The following KIAA1549L variants were observed in gnomAD, a reference collection of about 807,000 sequenced individuals.
KIAA1549L encodes UPF0606 protein KIAA1549L.
KIAA1549L carries 88 observed loss-of-function variants against 160.7 expected under a neutral mutation model. That is an observed-to-expected ratio of 0.55 (90% CI 0.46 to 0.65). KIAA1549L has a LOEUF of 0.65. KIAA1549L is among the 30% of genes least tolerant of loss of function. The pLI, the probability that KIAA1549L is intolerant of heterozygous loss-of-function variation, is 0.00. For missense variants in KIAA1549L, 2,258 were observed against 2,437.5 expected (o/e 0.93, Z 1.55); for synonymous variants, 950 against 976.7 (o/e 0.97, Z 0.51).
intron 4 of KIAA1549L, 54 bp from the exon 5 acceptor site, chr11:33,550,985 AC>A (rs1664646667): frequency 7.0e-7 from 1 of 1,437,346 alleles, no homozygotes; most frequent in Non-Finnish European, 9.8e-7. Context: ...ACCAGGAAGA[AC>A]TTAAAGTGCT....
intron 8 of KIAA1549L, among the ~76,000 whole-genome samples, chr11:33,565,878 G>A (rs911839517): frequency 2.0e-5 from 3 of 151,990 alleles, no homozygotes; most frequent in Non-Finnish European, 4.4e-5. Flanking sequence ...AGCCAGTGTG[G>A]TGGCTCATGC....
At chr11:33,568,467 G>A (rs948658330) in intron 9 of KIAA1549L, among the ~76,000 whole-genome samples, 1 of 152,160 alleles carries the variant, frequency 6.6e-6, no homozygotes, top group Admixed American at 6.5e-5. Flanking sequence ...TATAACACAA[G>A]GAAGTCTCGG....
At chr11:33,468,719 T>C (rs775660077) in intron 1 of KIAA1549L, among the ~76,000 whole-genome samples, 1 of 152,208 alleles carries the variant, frequency 6.6e-6, no homozygotes, top group African/African-American at 2.4e-5. Flanking sequence ...GCTTTGAAAA[T>C]ACATATCATA....
chr11:33,611,586 T>C (rs368482909), intron 15 of KIAA1549L, among the ~76,000 whole-genome samples: 55 of 152,234 alleles, frequency 3.6e-4, no homozygotes, highest in African/African-American at 1.2e-3. Flanking sequence ...TTAATACCTG[T>C]AGAAAAAAAA....
intron 1 of KIAA1549L, among the ~76,000 whole-genome samples, chr11:33,459,067 C>T (rs1232432105): frequency 6.6e-6 from 1 of 152,152 alleles, no homozygotes. Flanking sequence ...CCATTGCCAG[C>T]TGCTATGAGA....
chr11:33,550,049 A>G (rs1188251928), intron 4 of KIAA1549L, among the ~76,000 whole-genome samples: 1 of 151,922 alleles, frequency 6.6e-6, no homozygotes, highest in African/African-American at 2.4e-5. Context: ...AAACAAAAAA[A>G]AAAAACACAA....
intron 1 of KIAA1549L, among the ~76,000 whole-genome samples, chr11:33,432,922 CA>C (rs35109288): frequency 6.6e-6 from 1 of 152,180 alleles, no homozygotes; most frequent in Non-Finnish European, 1.5e-5. Flanking sequence ...ATACCTTATG[CA>C]AAAATTAACT....
At chr11:33,584,578 G>A (rs1489197459) in intron 11 of KIAA1549L, among the ~76,000 whole-genome samples, 1 of 152,234 alleles carries the variant, frequency 6.6e-6, no homozygotes, top group African/African-American at 2.4e-5. Flanking sequence ...CATACCTGAT[G>A]CTTAAATAAT....
intron 12 of KIAA1549L, among the ~76,000 whole-genome samples, chr11:33,598,610 A>G (rs1850271566): frequency 6.6e-6 from 1 of 152,192 alleles, no homozygotes; most frequent in South Asian, 2.1e-4. Context: ...TGGGCTGAGC[A>G]CGGCAAAACG....
intron 17 of KIAA1549L, among the ~76,000 whole-genome samples, chr11:33,647,747 G>A (rs1851765643): frequency 6.6e-6 from 1 of 151,610 alleles, no homozygotes; most frequent in African/African-American, 2.4e-5. Flanking sequence ...GTAAGAAGAT[G>A]CGATGGCCCA....
At chr11:33,606,860 C>T (rs1288230090) in intron 14 of KIAA1549L, 38 bp downstream of exon 14, 1 of 1,535,662 alleles carries the variant, frequency 6.5e-7, no homozygotes, top group African/African-American at 1.4e-5. Flanking sequence ...GATGGTCCGG[C>T]CAGACTTGGG....
intron 16 of KIAA1549L, among the ~76,000 whole-genome samples, chr11:33,628,858 T>C (rs146807141): frequency 0.022 from 3,402 of 152,076 alleles, 132 homozygotes; most frequent in African/African-American, 0.072. Context: ...TGCTTGTTAG[T>C]TCATGCAGTT....
At chr11:33,610,213 A>G (rs1455179333) in intron 15 of KIAA1549L, among the ~76,000 whole-genome samples, 1 of 152,114 alleles carries the variant, frequency 6.6e-6, no homozygotes, top group Non-Finnish European at 1.5e-5. Context: ...GCTTAATGGT[A>G]TTTTCAAACC....
At chr11:33,638,469 C>T (rs55668623) in intron 16 of KIAA1549L, among the ~76,000 whole-genome samples, 1 of 149,992 alleles carries the variant, frequency 6.7e-6, no homozygotes, top group East Asian at 2.0e-4. Context: ...AAATACTCAT[C>T]TATGAGTATT....
intron 1 of KIAA1549L, among the ~76,000 whole-genome samples, chr11:33,446,439 C>A (rs868464445): frequency 6.6e-6 from 1 of 151,784 alleles, no homozygotes; most frequent in African/African-American, 2.4e-5. Context: ...CTTTAAAGAA[C>A]TCTGTGGTTG....
At chr11:33,501,721 T>C (rs1191048768) in intron 1 of KIAA1549L, among the ~76,000 whole-genome samples, 2 of 151,788 alleles carry the variant, frequency 1.3e-5, no homozygotes, top group African/African-American at 4.8e-5. Flanking sequence ...ATAATAATAA[T>C]AACTAATATT....
At chr11:33,471,111 A>G (rs1247826736) in intron 1 of KIAA1549L, among the ~76,000 whole-genome samples, 1 of 152,040 alleles carries the variant, frequency 6.6e-6, no homozygotes, top group Non-Finnish European at 1.5e-5. Context: ...ATGCCGCTGC[A>G]CCTGGCTAAG....
chr11:33,484,774 C>T (rs1208360111), intron 1 of KIAA1549L, among the ~76,000 whole-genome samples: 1 of 152,134 alleles, frequency 6.6e-6, no homozygotes, highest in Non-Finnish European at 1.5e-5. Flanking sequence ...TTTTTTCAGT[C>T]CCACTCCAGA....
At chr11:33,504,217 C>T (rs1233098112) in intron 1 of KIAA1549L, among the ~76,000 whole-genome samples, 7 of 151,982 alleles carry the variant, frequency 4.6e-5, no homozygotes, top group South Asian at 4.2e-4. Context: ...GCTGAGATTG[C>T]GCTACTGCAC....
Sources: allele counts gnomAD v4.1 joint callset (sites outside exome capture counted in the v4.1 genomes callset), GRCh38; gene constraint gnomAD v4.1.1; transcripts MANE v1.5; gene names NCBI Gene and HGNC (gene_info 2026-07-23, HGNC 2026-07-21).